The following MYO5B variants were observed in gnomAD, a reference collection of about 807,000 sequenced individuals.
MYO5B encodes the protein myosin VB.
In MYO5B, 143 loss-of-function variants were observed where a neutral mutation model predicts 229.3. The observed-to-expected ratio is 0.62, with a 90% CI of 0.54 to 0.72. The LOEUF is 0.72. Ranked by LOEUF, MYO5B falls within the 30% of genes least tolerant of loss-of-function variation. The pLI is 0.00. For synonymous variants in MYO5B, 918 were observed against 885.2 expected (o/e 1.04, Z -0.66); for missense variants, 2,321 against 2,331.0 (o/e 1.00, Z 0.09).
At position 50,019,607 on chromosome 18, in the gene MYO5B, G is replaced by A. The variant is rs567490897; in HGVS notation, c.455+17243C>T. Among the ~76,000 whole-genome samples the A allele has an allele frequency of 1.9e-3, 291 of 152,346 alleles. 1 individual carries two copies. The highest frequency in any genetic ancestry group is 3.6e-3 in the Non-Finnish European group (243 of 68,034). ...TTGGCCAAGGCCATGAGGAGGTTAG[G>A]ATTCAAGGTCTTTCTCAGTTCATGT... is the stretch of plus-strand genomic sequence containing the variant. On this transcript the variant is annotated intron_variant, in intron 4 of 39. Coordinates refer to ENST00000285039, the MANE Select transcript of MYO5B (RefSeq NM_001080467.3).
At chr18:50,068,567 A>C (rs1333330533) in intron 1 of MYO5B, among the ~76,000 whole-genome samples, 1 of 152,232 alleles carries the variant, frequency 6.6e-6, no homozygotes, top group Admixed American at 6.5e-5. Flanking sequence ...ATAGAAGGAA[A>C]CAGAATGAAA....
At chr18:49,850,012 G>C (rs534971469) in intron 31 of MYO5B, 15 of 371,768 alleles carry the variant, frequency 4.0e-5, no homozygotes, top group African/African-American at 3.1e-4. Context: ...AGGGTGGGGC[G>C]GGCAGCGCCC....
chr18:49,974,655 GA>G, intron 9 of MYO5B, 40 bp from the exon 10 acceptor site: 1 of 1,597,546 alleles, frequency 6.3e-7, no homozygotes, highest in South Asian at 1.1e-5. Flanking sequence ...AGGAGTGTGG[GA>G]GACAAGCCGC....
At chr18:49,835,498 G>A (rs1375180891) in intron 38 of MYO5B, 74 bp from the exon 39 acceptor site, 6 of 916,300 alleles carry the variant, frequency 6.5e-6, no homozygotes, top group South Asian at 6.5e-5. Flanking sequence ...TAAAGAATAT[G>A]TGACATTGGT....
intron 1 of MYO5B, among the ~76,000 whole-genome samples, chr18:50,059,208 G>A (rs534982732): frequency 5.3e-4 from 80 of 152,302 alleles, no homozygotes; most frequent in Non-Finnish European, 9.1e-4. Flanking sequence ...AGGAATCAGT[G>A]AACAGAGAAT....
At chr18:50,051,187 A>G (rs2030383159) in intron 2 of MYO5B, among the ~76,000 whole-genome samples, 3 of 152,210 alleles carry the variant, frequency 2.0e-5, no homozygotes, top group African/African-American at 4.8e-5. Context: ...TGAGATTTAA[A>G]TAATTTGATA....
At position 49,880,590 on chromosome 18, in the gene MYO5B, G is replaced by C. The variant is rs181839371; in HGVS notation, c.3046-135C>G. On this transcript the variant is annotated intron_variant, in intron 22 of 39. Transcript: ENST00000285039. ...AATTGATTTGGTTAAAGCTTCTTTTGTTTTCAAGGAAAAATTGTGTACTGA... is the reference window on the plus strand; with the variant it reads ...AATTGATTTGGTTAAAGCTTCTTTTCTTTTCAAGGAAAAATTGTGTACTGA... The C allele has an allele frequency of 3.4e-5, 26 of 765,530 alleles. No individual in the cohort carries two copies. The East Asian group carries it at 6.0e-4, about 18-fold the overall frequency. The allele number at this position is 765,530 out of a possible 1,614,324, so 47.4% of individuals were successfully genotyped here.
At chr18:49,927,044 G>T (rs772752151) in intron 17 of MYO5B, among the ~76,000 whole-genome samples, 2 of 152,188 alleles carry the variant, frequency 1.3e-5, no homozygotes, top group Non-Finnish European at 2.9e-5. Context: ...TAATGCCGCA[G>T]TTTCAGTTTT....
intron 14 of MYO5B, among the ~76,000 whole-genome samples, chr18:49,942,967 A>G (rs1013333228): frequency 2.0e-5 from 3 of 152,172 alleles, no homozygotes; most frequent in African/African-American, 7.2e-5. Context: ...AACCAACCCA[A>G]ATGTTCAACA....
chr18:49,904,756 G>C lies in MYO5B; in HGVS notation c.2487C>G (p.Arg829=). 1 of 1,614,022 alleles carries C rather than the reference G, an allele frequency of 6.2e-7. No homozygotes were observed. Among genetic ancestry groups the C allele is most frequent in the Non-Finnish European group, 8.5e-7 (1 of 1,180,040 alleles). ...LQKHYRMQRA[R]QAYQRVRRAA... ...CTCTGCGGACCCTCTGGTAGGCCTG[G>C]CGGGCCCTCTGCATGCGGTAATGTT... The change falls in exon 20 of 40, where the codon CGC becomes CGG. Residue 829 remains arginine, a synonymous_variant. Coordinates refer to ENST00000285039, the MANE Select transcript of MYO5B (RefSeq NM_001080467.3).
chr18:49,910,754 A>G (rs1422668528), intron 18 of MYO5B, among the ~76,000 whole-genome samples: 1 of 152,208 alleles, frequency 6.6e-6, no homozygotes. Context: ...ATGACCTTAG[A>G]TCCTGATCAT....
intron 12 of MYO5B, among the ~76,000 whole-genome samples, chr18:49,957,888 C>A (rs1412119945): frequency 1.3e-5 from 2 of 151,950 alleles, no homozygotes; most frequent in African/African-American, 2.4e-5. Flanking sequence ...TAAGGAGTAC[C>A]CTCTGGCCCC....
intron 8 of MYO5B, 62 bp downstream of exon 8, chr18:49,984,656 G>A: frequency 7.7e-7 from 1 of 1,299,954 alleles, no homozygotes; most frequent in South Asian, 1.2e-5. Context: ...ACATCGCCTT[G>A]CATTCTACCC....
chr18:50,051,578 C>T (rs2030394891), intron 2 of MYO5B, among the ~76,000 whole-genome samples: 1 of 152,178 alleles, frequency 6.6e-6, no homozygotes, highest in Non-Finnish European at 1.5e-5. Flanking sequence ...ACCTCATCAC[C>T]AAGTTTTGCA....
At chr18:49,948,755 A>C (rs2025401563) in intron 14 of MYO5B, among the ~76,000 whole-genome samples, 1 of 151,360 alleles carries the variant, frequency 6.6e-6, no homozygotes. Flanking sequence ...GACAAGCTGA[A>C]GTCAAGCCAT....
At position 49,962,705 on chromosome 18, in the gene MYO5B, A is replaced by AG. The variant is rs60533538; in HGVS notation, c.1404+243_1404+244insC. Among the ~76,000 whole-genome samples, 152,234 of 152,234 alleles carry AG rather than the reference A, an allele frequency of 1. 76,117 individuals are homozygous for AG. Among genetic ancestry groups the AG allele is most frequent in the Non-Finnish European group, 1 (68,044 of 68,044 alleles). ...CTTAAATACCCTAACACCTACGCTCAAGGAATGGGAGTCAAAGCCAAAGAG... is the reference window on the plus strand; with the variant it reads ...CTTAAATACCCTAACACCTACGCTCAGAGGAATGGGAGTCAAAGCCAAAGAG... On this transcript the variant is annotated intron_variant, in intron 11 of 39. Transcript: ENST00000285039.
At position 49,834,927 on chromosome 18, in the gene MYO5B, C is replaced by T. The variant is rs183801031; in HGVS notation, c.5394+417G>A. Among the ~76,000 whole-genome samples, 1,384 of 152,262 alleles carry T rather than the reference C, an allele frequency of 9.1e-3. 40 individuals are homozygous for T. The South Asian group carries it at 0.12, about 13-fold the overall frequency. On this transcript the variant is annotated intron_variant, in intron 39 of 39. Transcript: ENST00000285039. ...TGCTGGGATTACAGGAGTGAGCCAC[C>T]GCACCTGGCCTATATTATAAGTCTT...
intron 30 of MYO5B, among the ~76,000 whole-genome samples, chr18:49,854,185 T>G (rs186278981): frequency 6.6e-4 from 100 of 152,348 alleles, no homozygotes; most frequent in Non-Finnish European, 1.0e-3. Context: ...CCCATTTTAT[T>G]TTATACATAC....
At chr18:50,019,267 T>C (rs549350463) in intron 4 of MYO5B, among the ~76,000 whole-genome samples, 1 of 152,330 alleles carries the variant, frequency 6.6e-6, no homozygotes, top group Admixed American at 6.5e-5. Context: ...TTATTTTCCT[T>C]GCAGTTTTTA....
Sources: allele counts gnomAD v4.1 joint callset (sites outside exome capture counted in the v4.1 genomes callset), GRCh38; gene constraint gnomAD v4.1.1; transcripts MANE v1.5; gene names NCBI Gene and HGNC (gene_info 2026-07-23, HGNC 2026-07-21).